FRY: variants seen among roughly 807,000 people sequenced by gnomAD.
FRY encodes protein furry homolog.
In FRY, 128 loss-of-function variants were observed where a neutral mutation model predicts 348.4. The observed-to-expected ratio is 0.37, with a 90% CI of 0.32 to 0.43. The LOEUF is 0.43. Among genes scored for constraint, FRY ranks in the 20% least tolerant of loss-of-function variants. FRY has a pLI of 1.00. For synonymous variants in FRY, 1,370 were observed against 1,374.7 expected, an observed-to-expected ratio of 1.00 and a Z score of 0.08; for missense variants, 2,736 against 3,695.2, an observed-to-expected ratio of 0.74 and a Z score of 6.73.
chr13:32,292,790 C>CAATAAATAAATAAATA (rs111702874), intron 59 of FRY, among the ~76,000 whole-genome samples: 5 of 141,120 alleles, frequency 3.5e-5, no homozygotes, highest in African/African-American at 7.8e-5. Context: ...GACTCCATCT[C>CAATAAATAAATAAATA]AATAAATAAA....
chr13:32,210,688 T>C (rs918665980), intron 33 of FRY, among the ~76,000 whole-genome samples, 178 bp from the exon 34 acceptor site: 6 of 152,108 alleles, frequency 3.9e-5, no homozygotes, highest in East Asian at 3.8e-4. Context: ...GACGTGCCGA[T>C]GAAGAGAGGT....
chr13:32,244,275 G>A (rs1180275475), intron 47 of FRY, 93 bp downstream of exon 47: 1 of 1,175,848 alleles, frequency 8.5e-7, no homozygotes, highest in Non-Finnish European at 1.3e-6. Context: ...CTGGGTGCCA[G>A]GCCACTCATT....
intron 2 of FRY, 111 bp from the exon 3 acceptor site, chr13:32,101,852 A>G: frequency 1.4e-6 from 1 of 708,808 alleles, no homozygotes. Context: ...GTGCCTCCTG[A>G]TTCCATAATG....
At position 32,237,028 on chromosome 13, in the gene FRY, T is replaced by C. The variant is rs1384642662; in HGVS notation, c.5811-351T>C. Among the ~76,000 whole-genome samples the C allele has an allele frequency of 1.3e-5, 2 of 152,184 alleles. No individual in the cohort carries two copies. The highest frequency in any genetic ancestry group is 2.9e-5 in the Non-Finnish European group (2 of 68,022). ...TTCCCATTTCTGTTCTCCTTATCAGTCAGTTAACAGAATATTGAAGCTTAT... is the reference window on the plus strand; with the variant it reads ...TTCCCATTTCTGTTCTCCTTATCAGCCAGTTAACAGAATATTGAAGCTTAT... On this transcript the variant is annotated intron_variant, in intron 43 of 60. Transcript: ENST00000542859. The surrounding 1 kb of genome is among the most constrained non-coding windows in gnomAD (Gnocchi z 6.3).
intron 42 of FRY, 109 bp downstream of exon 42, chr13:32,234,870 G>A (rs890383069): frequency 1.2e-6 from 1 of 862,274 alleles, no homozygotes; most frequent in African/African-American, 1.7e-5. Context: ...CAGCCATCTG[G>A]ACATGTACAA....
In FRY at chr13:32,164,070, C is replaced by A. The variant is rs113953739; in HGVS notation, c.1892+2819C>A. Among the ~76,000 whole-genome samples, 1,468 of 152,250 alleles carry A rather than the reference C, an allele frequency of 9.6e-3. 28 individuals carry two copies. The highest frequency in any genetic ancestry group is 0.034 in the African/African-American group (1,412 of 41,542). On this transcript the variant is annotated intron_variant, in intron 17 of 60. Coordinates refer to ENST00000542859, the MANE Select transcript of FRY (RefSeq NM_023037.3). ...GGGAAGGATAACTAGAGTAAGCGACCTGCACATAGAGTCCTATTAACCTGT... is the reference window on the plus strand; with the variant it reads ...GGGAAGGATAACTAGAGTAAGCGACATGCACATAGAGTCCTATTAACCTGT...
intron 14 of FRY, among the ~76,000 whole-genome samples, chr13:32,150,239 A>G (rs1463327245): frequency 6.6e-6 from 1 of 152,262 alleles, no homozygotes; most frequent in Admixed American, 6.5e-5. Flanking sequence ...AAACAATGAA[A>G]TTAAATAAAT....
intron 1 of FRY, among the ~76,000 whole-genome samples, chr13:32,049,454 T>TG (rs55749278): frequency 1.3e-5 from 2 of 150,240 alleles, no homozygotes; most frequent in Non-Finnish European, 3.0e-5. Flanking sequence ...TTTGTTTGTT[T>TG]TTTGGGACGG....
chr13:32,075,444 C>T (rs992980838), intron 1 of FRY, among the ~76,000 whole-genome samples: 4 of 152,182 alleles, frequency 2.6e-5, no homozygotes, highest in African/African-American at 9.6e-5. Context: ...AAGTTACACC[C>T]CTCCCTTGTA....
In FRY at chr13:32,136,858, C is replaced by T. The variant is rs763394949; in HGVS notation, c.1078-13C>T. 7.1e-6 allele frequency: 10 copies of T among 1,411,086 alleles called. No individual in the cohort carries two copies. The highest frequency in any genetic ancestry group is 1.1e-5 in the South Asian group (1 of 86,974). 87.4% of individuals were successfully genotyped at this position (1,411,086 alleles called of 1,614,324 possible). ...TATAAATGATCCTGTGACCTCCTCT[C>T]CTTTCTCCTCAGGCCTTGTACCCCC... On this transcript the variant is annotated splice_polypyrimidine_tract_variant and intron_variant, in intron 10 of 60. Transcript: ENST00000542859.
intron 2 of FRY, among the ~76,000 whole-genome samples, chr13:32,085,322 C>T (rs188787557): frequency 2.0e-5 from 3 of 152,310 alleles, no homozygotes; most frequent in Admixed American, 6.5e-5. Context: ...ACTGTAGTCA[C>T]AGGCAATTAC....
chr13:32,098,966 G>A (rs1424801198), intron 2 of FRY, among the ~76,000 whole-genome samples: 3 of 151,946 alleles, frequency 2.0e-5, no homozygotes, highest in Non-Finnish European at 2.9e-5. Context: ...CCTCAGACTT[G>A]CAGGATAAGA....
chr13:32,114,504 T>C (rs1878175972), intron 3 of FRY, among the ~76,000 whole-genome samples: 1 of 152,212 alleles, frequency 6.6e-6, no homozygotes, highest in African/African-American at 2.4e-5. Context: ...ATTTCCTTTC[T>C]TTTTCTCTGA....
At chr13:32,092,662 G>A (rs561592035) in intron 2 of FRY, among the ~76,000 whole-genome samples, 15 of 152,284 alleles carry the variant, frequency 9.9e-5, no homozygotes, top group Middle Eastern at 3.4e-3. Context: ...TTCCCCTTGC[G>A]TGGGTTGGGA....
At chr13:32,173,952 A>G (rs1882234351) in intron 19 of FRY, among the ~76,000 whole-genome samples, 1 of 152,250 alleles carries the variant, frequency 6.6e-6, no homozygotes, top group Admixed American at 6.5e-5. Flanking sequence ...TGGCAAATTG[A>G]AAGATGTTTA....
At chr13:32,112,130 C>T (rs1878005511) in intron 3 of FRY, among the ~76,000 whole-genome samples, 1 of 152,120 alleles carries the variant, frequency 6.6e-6, no homozygotes, top group Non-Finnish European at 1.5e-5. Context: ...CAGGTTCCCA[C>T]AATATACTTA....
intron 1 of FRY, among the ~76,000 whole-genome samples, chr13:32,033,517 T>C (rs1872350400): frequency 6.6e-6 from 1 of 152,218 alleles, no homozygotes; most frequent in Non-Finnish European, 1.5e-5. Context: ...TCACTCTAGA[T>C]AAAGTATATA....
intron 53 of FRY, among the ~76,000 whole-genome samples, chr13:32,264,771 G>A (rs1307493577): frequency 6.6e-6 from 1 of 152,194 alleles, no homozygotes; most frequent in Non-Finnish European, 1.5e-5. Context: ...TGTTATCTGT[G>A]GAGGGTATTC....
chr13:32,114,559 C>T (rs369763268), intron 3 of FRY, among the ~76,000 whole-genome samples: 14 of 152,222 alleles, frequency 9.2e-5, no homozygotes, highest in African/African-American at 3.4e-4. Flanking sequence ...ACCACATGAA[C>T]GTTTAGTCAT....
Sources: allele counts gnomAD v4.1 joint callset (sites outside exome capture counted in the v4.1 genomes callset), GRCh38; gene constraint gnomAD v4.1.1; non-coding constraint Gnocchi (gnomAD v3.1); transcripts MANE v1.5; gene names NCBI Gene and HGNC (gene_info 2026-07-23, HGNC 2026-07-21).